L3MBTL4: variants seen among roughly 807,000 people sequenced by gnomAD.
L3MBTL4 encodes the protein L3MBTL histone methyl-lysine binding protein 4.
L3MBTL4 carries 70 observed loss-of-function variants against 84.5 expected under a neutral mutation model. The observed-to-expected ratio is 0.83, with a 90% CI of 0.68 to 1.01. The LOEUF (loss-of-function observed/expected upper bound fraction) is 1.01. Ranked by LOEUF, L3MBTL4 falls within the 50% of genes least tolerant of loss-of-function variation. The pLI, the probability that L3MBTL4 is intolerant of heterozygous loss-of-function variation, is 0.00. For missense variants in L3MBTL4, 715 were observed against 754.8 expected (o/e 0.95, Z 0.62); for synonymous variants, 274 against 259.8 (o/e 1.05, Z -0.52).
At position 6,235,602 on chromosome 18, in the gene L3MBTL4, C is replaced by A. The variant is rs1044892939; in HGVS notation, c.784+2362G>T. Among the ~76,000 whole-genome samples, 3 of 152,276 alleles carry A rather than the reference C, an allele frequency of 2.0e-5. No individual in the cohort carries two copies. The South Asian group carries it at 6.2e-4, about 32-fold the overall frequency. The stretch of plus-strand genomic sequence containing the variant: ...ACAAAAGGTCACATATTGTATGATT[C>A]CTTTCATGTAATATATCAAGAATAG... On this transcript the variant is annotated intron_variant, in intron 10 of 18. Coordinates refer to ENST00000317931, the MANE Select transcript of L3MBTL4 (RefSeq NM_001330559.2).
intron 9 of L3MBTL4, among the ~76,000 whole-genome samples, chr18:6,238,425 C>T (rs1163886948): frequency 6.6e-6 from 1 of 151,868 alleles, no homozygotes; most frequent in Non-Finnish European, 1.5e-5. Context: ...CCCAGCTACT[C>T]GGGAGGCTGA....
At chr18:6,026,910 C>T (rs1180023322) in intron 16 of L3MBTL4, among the ~76,000 whole-genome samples, 2 of 151,948 alleles carry the variant, frequency 1.3e-5, no homozygotes, top group African/African-American at 4.8e-5. Flanking sequence ...TAATTTTCCT[C>T]ATGTTATGTT....
intron 16 of L3MBTL4, among the ~76,000 whole-genome samples, chr18:6,078,790 A>T (rs1243576153): frequency 6.6e-6 from 1 of 152,164 alleles, no homozygotes; most frequent in Non-Finnish European, 1.5e-5. Context: ...TTACATTGTA[A>T]TAGATAATGA....
At chr18:6,313,575 T>G (rs754670153) in intron 1 of L3MBTL4, among the ~76,000 whole-genome samples, 21 of 152,226 alleles carry the variant, frequency 1.4e-4, no homozygotes, top group Non-Finnish European at 3.1e-4. Flanking sequence ...TCTGAACATC[T>G]ATGCAAATGA....
chr18:6,174,433 T>C (rs2044128122), intron 12 of L3MBTL4, among the ~76,000 whole-genome samples: 1 of 152,196 alleles, frequency 6.6e-6, no homozygotes, highest in Non-Finnish European at 1.5e-5. Flanking sequence ...ATAGAAATTC[T>C]AGAAGTCAAT....
At chr18:6,023,850 G>A (rs1254340903) in intron 16 of L3MBTL4, among the ~76,000 whole-genome samples, 1 of 151,510 alleles carries the variant, frequency 6.6e-6, no homozygotes, top group Non-Finnish European at 1.5e-5. Flanking sequence ...TTCGTGCAGT[G>A]TTTCAGTGGT....
intron 14 of L3MBTL4, among the ~76,000 whole-genome samples, chr18:6,133,531 T>G (rs147735437): frequency 6.6e-6 from 1 of 152,214 alleles, no homozygotes; most frequent in East Asian, 1.9e-4. Flanking sequence ...CATCTTTCCT[T>G]TTTCCTGGTT....
chr18:6,213,676 T>C (rs1599174840), intron 11 of L3MBTL4, among the ~76,000 whole-genome samples: 1 of 152,174 alleles, frequency 6.6e-6, no homozygotes, highest in South Asian at 2.1e-4. Flanking sequence ...CATCCCAAAG[T>C]GCTGGGATTA....
chr18:6,122,290 C>CCCAT (rs560001089), intron 14 of L3MBTL4, among the ~76,000 whole-genome samples: 93 of 152,144 alleles, frequency 6.1e-4, no homozygotes, highest in African/African-American at 2.1e-3. Context: ...TCAAATTTTG[C>CCCAT]CCAATTGTCT....
chr18:6,271,081 G>A (rs1028758114), intron 4 of L3MBTL4, among the ~76,000 whole-genome samples: 1 of 152,140 alleles, frequency 6.6e-6, no homozygotes, highest in Non-Finnish European at 1.5e-5. Flanking sequence ...ATGTCGAAGG[G>A]TACAAAGTCT....
rs1223665308 is a variant in L3MBTL4, at chr18:6,152,803, A to G, written c.1097-14507T>C. 3.3e-5 allele frequency among the ~76,000 whole-genome samples: 5 copies of G among 152,158 alleles called. No homozygotes were observed. The East Asian group carries it at 9.6e-4, about 29-fold the overall frequency. On this transcript the variant is annotated intron_variant, in intron 13 of 18. Coordinates refer to ENST00000317931, the MANE Select transcript of L3MBTL4 (RefSeq NM_001330559.2). ...TTGTTGTCATATTTAAAAACTCACTATCAAAACCAATGTCTTGATAAAGCT... is the reference window on the plus strand; with the variant it reads ...TTGTTGTCATATTTAAAAACTCACTGTCAAAACCAATGTCTTGATAAAGCT...
At chr18:6,076,675 T>TA (rs5822885) in intron 16 of L3MBTL4, among the ~76,000 whole-genome samples, 26 of 151,654 alleles carry the variant, frequency 1.7e-4, no homozygotes, top group East Asian at 7.8e-4. Context: ...TCTGCACTGG[T>TA]AAAAAAAAAT....
chr18:5,965,210 A>C (rs2052285794), intron 17 of L3MBTL4, among the ~76,000 whole-genome samples: 1 of 152,160 alleles, frequency 6.6e-6, no homozygotes, highest in African/African-American at 2.4e-5. Context: ...ACTTTGAAAA[A>C]CACTGCTCTA....
intron 16 of L3MBTL4, chr18:6,032,405 C>T: frequency 1.5e-6 from 1 of 646,876 alleles, no homozygotes; most frequent in Non-Finnish European, 1.9e-6. Flanking sequence ...CACACACACA[C>T]ACACACACAC....
chr18:6,184,291 A>G (rs1448542114), intron 12 of L3MBTL4, among the ~76,000 whole-genome samples: 1 of 152,218 alleles, frequency 6.6e-6, no homozygotes, highest in African/African-American at 2.4e-5. Context: ...TAATTCGACT[A>G]TTATTTGAGG....
At chr18:6,344,362 T>G (rs1460666917) in intron 1 of L3MBTL4, among the ~76,000 whole-genome samples, 2 of 152,126 alleles carry the variant, frequency 1.3e-5, no homozygotes, top group Non-Finnish European at 2.9e-5. Flanking sequence ...ATAGAGAATC[T>G]GAACAAAGAA....
chr18:6,391,752 A>AACAACAACTACTACTACT (rs1555755552), intron 1 of L3MBTL4, among the ~76,000 whole-genome samples: 114 of 150,114 alleles, frequency 7.6e-4, no homozygotes, highest in African/African-American at 2.7e-3. Context: ...CAACAACAAC[A>AACAACAACTACTACTACT]ACTACTACTA....
intron 1 of L3MBTL4, among the ~76,000 whole-genome samples, chr18:6,373,347 T>C (rs2054236815): frequency 6.6e-6 from 1 of 152,178 alleles, no homozygotes; most frequent in Admixed American, 6.5e-5. Flanking sequence ...ACCCTATGCA[T>C]GCTCTCCAAC....
chr18:6,408,822 T>C (rs950599824), intron 1 of L3MBTL4, among the ~76,000 whole-genome samples: 1 of 151,868 alleles, frequency 6.6e-6, no homozygotes, highest in South Asian at 2.1e-4. Flanking sequence ...GCTGGGATCA[T>C]AGGCATGCCA....
Sources: allele counts gnomAD v4.1 joint callset (sites outside exome capture counted in the v4.1 genomes callset), GRCh38; gene constraint gnomAD v4.1.1; transcripts MANE v1.5; gene names NCBI Gene and HGNC (gene_info 2026-07-23, HGNC 2026-07-21).